The following ZNF71 variants were observed in gnomAD, a reference collection of about 807,000 sequenced individuals.
ZNF71 encodes zinc finger protein 71, also known as endothelial zinc finger protein induced by tumor necrosis factor alpha.
In ZNF71, 3 loss-of-function variants were observed where a neutral mutation model predicts 6.7. The ratio of observed to expected loss-of-function variants is 0.45; its 90% CI spans 0.20 to 1.16. ZNF71 has a LOEUF of 1.16. Ranked by LOEUF, ZNF71 falls within the 50% of genes most tolerant of loss-of-function variation. ZNF71 has a pLI of 0.25. For missense variants in ZNF71, 688 were observed against 728.6 expected (o/e 0.94, Z 0.64); for synonymous variants, 343 against 311.1 (o/e 1.10, Z -1.08).
In ZNF71 at chr19:56,598,135, G is replaced by T. The variant is rs1033820274; in HGVS notation, c.-53+2707G>T. Among the ~76,000 whole-genome samples the T allele has an allele frequency of 6.6e-6, 1 of 152,186 alleles. No homozygotes were observed. Among genetic ancestry groups the T allele is most frequent in the Non-Finnish European group, 1.5e-5 (1 of 68,038 alleles). On this transcript the variant is annotated intron_variant, in intron 1 of 3. Transcript: ENST00000599599. The surrounding 1 kb of genome is among the most constrained non-coding windows in gnomAD (Gnocchi z 4.2). ...TTAAAAAAGACAGTTGTCAATAGTG[G>T]TTTGTACTGCAAGAAAATAGAGGGG... is the stretch of plus-strand genomic sequence containing the variant.
At chr19:56,609,586 G>T (rs896608047) in intron 2 of ZNF71, among the ~76,000 whole-genome samples, 2 of 151,728 alleles carry the variant, frequency 1.3e-5, no homozygotes, top group Non-Finnish European at 2.9e-5. Context: ...TGAGGCATAC[G>T]ATACAGATTT....
Position 56,624,028 on chromosome 19 carries a change from T to A in ZNF71, c.*1271T>A, listed in dbSNP as rs191570138. 1.6e-3 allele frequency: 263 copies of A among 167,224 alleles called. 1 individual carries two copies. Among genetic ancestry groups the A allele is most frequent in the African/African-American group, 6.1e-3 (254 of 41,574 alleles). 10.4% of individuals were successfully genotyped at this position (167,224 alleles called of 1,614,324 possible). A position where few individuals can be genotyped will look rare whatever the true frequency, so the allele number is the denominator to read the frequency against. Reference sequence around the variant, plus strand: ...GGCCGACTGAAGCTCTGTTTACACATAAGAGTGTTCCCCAAAGTGCACTTT... The same window carrying A: ...GGCCGACTGAAGCTCTGTTTACACAAAAGAGTGTTCCCCAAAGTGCACTTT... On this transcript the variant is annotated 3_prime_UTR_variant, in exon 4 of 4. Coordinates refer to ENST00000599599, the MANE Select transcript of ZNF71 (RefSeq NM_001370215.1).
At position 56,622,433 on chromosome 19, in the gene ZNF71, C is replaced by T. The variant is rs758245102; in HGVS notation, c.1326C>T (p.Tyr442=). The T allele has an allele frequency of 3.1e-6, 5 of 1,613,998 alleles. No individual in the cohort carries two copies. The highest frequency in any genetic ancestry group is 3.3e-5 in the Admixed American group (2 of 60,016). The part of the protein sequence containing the change: ...HQRIHTGEKP[Y]ECYICKKHFT... ...GCATCCACACCGGCGAGAAGCCCTA[C>T]GAGTGCTACATCTGCAAGAAGCACT... The change falls in exon 4 of 4, where the codon TAC becomes TAT. Residue 442 remains tyrosine (Y), a synonymous_variant. Transcript: ENST00000599599.
chr19:56,609,248 C>G (rs1008008534), intron 2 of ZNF71, among the ~76,000 whole-genome samples: 2 of 152,194 alleles, frequency 1.3e-5, no homozygotes, highest in African/African-American at 4.8e-5. Context: ...GCATCACCTG[C>G]TCTTACCAGA....
intron 2 of ZNF71, chr19:56,609,839 T>C (rs548635742): frequency 6.3e-4 from 91 of 145,028 alleles, no homozygotes; most frequent in African/African-American, 2.3e-3. Flanking sequence ...TTTTGCCTGT[T>C]CTGGACATTG....
At chr19:56,617,972 C>T (rs938260861) in intron 3 of ZNF71, among the ~76,000 whole-genome samples, 3 of 152,042 alleles carry the variant, frequency 2.0e-5, no homozygotes, top group African/African-American at 7.2e-5. Context: ...CTCCATCAGC[C>T]CCAGACAAAA....
intron 1 of ZNF71, among the ~76,000 whole-genome samples, chr19:56,595,853 T>TTGTGTGTGTGTGTGTGTGTG (rs60371305): frequency 5.1e-5 from 7 of 137,588 alleles, no homozygotes; most frequent in South Asian, 2.5e-4. Flanking sequence ...GTGTGTGTGT[T>TTGTGTGTGTGTGTGTGTGTG]TGTGTGTGTG....
chr19:56,624,139 C>T lies in ZNF71; in HGVS notation c.*1382C>T, dbSNP rs2044889971. On this transcript the variant is annotated 3_prime_UTR_variant, in exon 4 of 4. Coordinates refer to ENST00000599599, the MANE Select transcript of ZNF71 (RefSeq NM_001370215.1). ...TTCTGGCATTTCCAGTTGTTCCACA[C>T]TCCCTGACACTGGTGTACACAAATA... is the stretch of plus-strand genomic sequence containing the variant. The T allele has an allele frequency of 6.0e-6, 1 of 166,626 alleles. No individual in the cohort carries two copies. Among genetic ancestry groups the T allele is most frequent in the Admixed American group, 6.5e-5 (1 of 15,290 alleles). 10.3% of individuals were successfully genotyped at this position (166,626 alleles called of 1,614,324 possible).
At chr19:56,595,648 T>C (rs1187396760) in intron 1 of ZNF71, among the ~76,000 whole-genome samples, 1 of 151,844 alleles carries the variant, frequency 6.6e-6, no homozygotes, top group Non-Finnish European at 1.5e-5. Context: ...GAAAGTTGCA[T>C]GAACACGAGG....
rs1190230939 is a variant in ZNF71 at position 56,613,213 on chromosome 19, C to G, written c.34-599C>G. ...CCAAGCTCTCTTCCCTACCCAGAAT[C>G]TCCCACTAAAGACCCAACCACCAGT... On this transcript the variant is annotated intron_variant, in intron 2 of 3. Coordinates refer to ENST00000599599, the MANE Select transcript of ZNF71 (RefSeq NM_001370215.1). The surrounding 1 kb of genome is among the most constrained non-coding windows in gnomAD (Gnocchi z 4.6). Among the ~76,000 whole-genome samples the G allele has an allele frequency of 6.6e-6, 1 of 152,228 alleles. No individual in the cohort carries two copies. Among genetic ancestry groups the G allele is most frequent in the African/African-American group, 2.4e-5 (1 of 41,446 alleles).
rs1165504672 is a variant in ZNF71 at position 56,603,401 on chromosome 19, T to G, written c.33+1810T>G. Among the ~76,000 whole-genome samples, 1 of 152,260 alleles carries G rather than the reference T, an allele frequency of 6.6e-6. No homozygotes were observed. Among genetic ancestry groups the G allele is most frequent in the Non-Finnish European group, 1.5e-5 (1 of 68,042 alleles). On this transcript the variant is annotated intron_variant, in intron 2 of 3. Transcript: ENST00000599599. This position sits in a 1 kb window ranked among gnomAD's most constrained non-coding sequence, Gnocchi z 4.6. ...ACCATGTGGTAGCACATATAGAGCTTCATTCCTTTTTTTGACTGAATAATA... is the reference window on the plus strand; with the variant it reads ...ACCATGTGGTAGCACATATAGAGCTGCATTCCTTTTTTTGACTGAATAATA...
At position 56,621,798 on chromosome 19, in the gene ZNF71, T is replaced by C. The variant is rs1164519364; in HGVS notation, c.691T>C (p.Ser231Pro). ...CTGTGGGAAGCACTTCATCGAGCGC[T>C]CGTCCCTCACCATCCACCAGCGGGT... The part of the protein sequence containing the change: ...DTCGKHFIER[S>P]SLTIHQRVHT... Residue 231 changes from serine (S) to proline (P), a missense_variant, in exon 4 of 4, where the codon TCG (serine) becomes CCG (proline). Physicochemically the swap from Ser to Pro is moderately conservative, Grantham distance 74. Transcript: ENST00000599599. 1 of 1,613,848 alleles carries C rather than the reference T, an allele frequency of 6.2e-7. No homozygotes were observed. Among genetic ancestry groups the C allele is most frequent in the Non-Finnish European group, 8.5e-7 (1 of 1,180,006 alleles).
chr19:56,596,585 G>A (rs2044626802), intron 1 of ZNF71, among the ~76,000 whole-genome samples: 1 of 152,174 alleles, frequency 6.6e-6, no homozygotes, highest in Non-Finnish European at 1.5e-5. Context: ...AAGGGTCTCT[G>A]TGCCCTACTC....
intron 2 of ZNF71, among the ~76,000 whole-genome samples, chr19:56,605,060 A>T (rs1371611211): frequency 1.3e-5 from 2 of 152,184 alleles, no homozygotes; most frequent in East Asian, 3.9e-4. Flanking sequence ...TTAAAGAGAA[A>T]CTAGAAATTC....
At chr19:56,617,415 G>A (rs2044804632) in intron 3 of ZNF71, among the ~76,000 whole-genome samples, 1 of 152,070 alleles carries the variant, frequency 6.6e-6, no homozygotes, top group Admixed American at 6.5e-5. Context: ...TTACTGTTTT[G>A]GTGTTTGATG....
chr19:56,618,491 G>A lies in ZNF71; in HGVS notation c.161-2777G>A, dbSNP rs1358128771. Among the ~76,000 whole-genome samples, 1 of 152,202 alleles carries A rather than the reference G, an allele frequency of 6.6e-6. No homozygotes were observed. Among genetic ancestry groups the A allele is most frequent in the Non-Finnish European group, 1.5e-5 (1 of 68,038 alleles). ...CAAGGCCCTTGCCTCTAGTGGAGCT[G>A]ACTCCTGCTGGGGGCCGATAATAAT... is the stretch of plus-strand genomic sequence containing the variant. On this transcript the variant is annotated intron_variant, in intron 3 of 3. Coordinates refer to ENST00000599599, the MANE Select transcript of ZNF71 (RefSeq NM_001370215.1). The surrounding 1 kb of genome is among the most constrained non-coding windows in gnomAD (Gnocchi z 4.6).
In ZNF71 at chr19:56,603,903, G is replaced by A. The variant is rs1292960195; in HGVS notation, c.33+2312G>A. ...GGTTTGTGTCATTAGACAGGAAACC[G>A]AAAAAGATGGAGTACTAGAAAAAGG... On this transcript the variant is annotated intron_variant, in intron 2 of 3. Transcript: ENST00000599599. This position sits in a 1 kb window ranked among gnomAD's most constrained non-coding sequence, Gnocchi z 4.6. 2.0e-5 allele frequency among the ~76,000 whole-genome samples: 3 copies of A among 151,676 alleles called. No individual in the cohort carries two copies. The highest frequency in any genetic ancestry group is 1.3e-4 in the Admixed American group (2 of 15,228).
At chr19:56,610,448 G>GC (rs2044742987) in intron 2 of ZNF71, 1 of 148,668 alleles carries the variant, frequency 6.7e-6, no homozygotes, top group African/African-American at 2.6e-5. Flanking sequence ...CTAAGGGGCT[G>GC]CCCCCTTTTT....
Position 56,595,985 on chromosome 19 carries a change from C to CGT in ZNF71, c.-53+572_-53+573dup, listed in dbSNP as rs986497779. 4.6e-4 allele frequency among the ~76,000 whole-genome samples: 65 copies of CGT among 140,030 alleles called. No individual in the cohort carries two copies. The East Asian group carries it at 7.8e-3, about 17-fold the overall frequency. The allele number at this position is 140,030 out of a possible 152,430, so 91.9% of individuals were successfully genotyped here. ...TGTCCGTGTGGGTCATGTGTGGTAG[C>CGT]GTGTGTGTGTGTGTGTCCCACTTCT... is the stretch of plus-strand genomic sequence containing the variant. On this transcript the variant is annotated intron_variant, in intron 1 of 3. Coordinates refer to ENST00000599599, the MANE Select transcript of ZNF71 (RefSeq NM_001370215.1).
Sources: allele counts gnomAD v4.1 joint callset (sites outside exome capture counted in the v4.1 genomes callset), GRCh38; gene constraint gnomAD v4.1.1; non-coding constraint Gnocchi (gnomAD v3.1); transcripts MANE v1.5; gene names NCBI Gene and HGNC (gene_info 2026-07-23, HGNC 2026-07-21).